The following MAMLD1 variants were observed in gnomAD, a reference collection of about 807,000 sequenced individuals.
MAMLD1 encodes the protein mastermind like domain containing 1.
Under a neutral mutation model 45.0 loss-of-function variants are expected in MAMLD1, and 14 were observed. That is an observed-to-expected ratio of 0.31 (90% CI 0.21 to 0.49). MAMLD1 has a LOEUF of 0.49. Ranked by LOEUF, MAMLD1 falls within the 20% of genes least tolerant of loss-of-function variation. The pLI is 0.99. For synonymous variants in MAMLD1, 254 were observed against 247.8 expected (o/e 1.02, Z -0.24); for missense variants, 543 against 603.6 (o/e 0.90, Z 1.05).
chrX:150,503,860 G>A (rs906779138), intron 6 of MAMLD1, among the ~76,000 whole-genome samples: 2 of 112,075 alleles, frequency 1.8e-5, no homozygotes, highest in Non-Finnish European at 3.8e-5. Context: ...ATACCTACCT[G>A]CCTGTCTGTC....
intron 2 of MAMLD1, among the ~76,000 whole-genome samples, chrX:150,452,427 G>T: frequency 9.0e-6 from 1 of 110,678 alleles, no homozygotes; most frequent in African/African-American, 3.3e-5. Flanking sequence ...CACCTAGGAT[G>T]GTGATGGAAA....
chrX:150,456,930 G>A (rs149310614), intron 2 of MAMLD1, among the ~76,000 whole-genome samples: 53 of 112,649 alleles, frequency 4.7e-4, no homozygotes, highest in African/African-American at 1.0e-3. Context: ...GGCAAATGCA[G>A]TCCATGCTAG....
intron 1 of MAMLD1, among the ~76,000 whole-genome samples, chrX:150,382,382 T>A (rs1370797075): frequency 8.9e-6 from 1 of 111,968 alleles, no homozygotes; most frequent in East Asian, 2.8e-4. Context: ...TCTTGACTAA[T>A]GTAGCCATAT....
intron 1 of MAMLD1, among the ~76,000 whole-genome samples, chrX:150,440,289 G>A (rs1324971229): frequency 9.3e-6 from 1 of 107,596 alleles, no homozygotes; most frequent in Non-Finnish European, 1.9e-5. Context: ...AAGGATTTTT[G>A]TGTCTATATT....
intron 1 of MAMLD1, among the ~76,000 whole-genome samples, chrX:150,398,343 G>GAAGAAGAAGAAGAAGAAGAA (rs1569564636): frequency 3.5e-5 from 2 of 56,470 alleles, no homozygotes; most frequent in East Asian, 5.5e-4. Context: ...AAGAAGAAGA[G>GAAGAAGAAGAAGAAGAAGAA]GAAGAGGAAG....
intron 3 of MAMLD1, among the ~76,000 whole-genome samples, chrX:150,469,485 G>T (rs181716833): frequency 2.7e-5 from 3 of 112,196 alleles, no homozygotes; most frequent in African/African-American, 3.2e-5. Flanking sequence ...AAGCACTATG[G>T]TTCCAAAGAC....
intron 1 of MAMLD1, among the ~76,000 whole-genome samples, chrX:150,414,028 CAAAAAAA>C (rs56866886): frequency 2.2e-4 from 7 of 31,333 alleles, no homozygotes; most frequent in African/African-American, 9.8e-4. Context: ...CAGAAAACTG[CAAAAAAA>C]AAAAAAAAAA....
chrX:150,411,132 G>A (rs12847272), intron 1 of MAMLD1, among the ~76,000 whole-genome samples: 13 of 111,477 alleles, frequency 1.2e-4, no homozygotes, highest in Non-Finnish European at 1.9e-4. Flanking sequence ...CCCAGACCCC[G>A]CTAAGTCCAA....
chrX:150,469,510 A>G (rs2036333867), intron 3 of MAMLD1, among the ~76,000 whole-genome samples: 1 of 112,395 alleles, frequency 8.9e-6, no homozygotes, highest in Non-Finnish European at 1.9e-5. Flanking sequence ...TGTATTTTAT[A>G]GTTTTCACAA....
intron 1 of MAMLD1, among the ~76,000 whole-genome samples, chrX:150,368,199 C>G (rs1473415842): frequency 9.0e-6 from 1 of 110,921 alleles, no homozygotes; most frequent in Non-Finnish European, 1.9e-5. Flanking sequence ...GTTCCTATTT[C>G]TCCACATCCT....
At chrX:150,475,795 A>G (rs2148310047) in intron 5 of MAMLD1, among the ~76,000 whole-genome samples, 1 of 111,975 alleles carries the variant, frequency 8.9e-6, no homozygotes, top group East Asian at 2.8e-4. Context: ...GCTAACCTGA[A>G]ACTGCTTAGA....
chrX:150,367,651 T>G (rs781932116), intron 1 of MAMLD1, among the ~76,000 whole-genome samples: 1 of 111,860 alleles, frequency 8.9e-6, no homozygotes, highest in Admixed American at 9.4e-5. Context: ...GTTGGTGTGC[T>G]GCACCCATTA....
intron 1 of MAMLD1, among the ~76,000 whole-genome samples, chrX:150,375,881 A>G (rs1260347033): frequency 8.9e-6 from 1 of 111,946 alleles, no homozygotes; most frequent in Non-Finnish European, 1.9e-5. Context: ...ACAAAATGAG[A>G]GTAGTTTGTA....
At chrX:150,445,668 TGAACGTAA>T (rs1366815668) in intron 2 of MAMLD1, 56 bp downstream of exon 2, 7 of 894,021 alleles carry the variant, frequency 7.8e-6, no homozygotes, top group Admixed American at 2.4e-5. Context: ...ATCTTAAACT[TGAACGTAA>T]GATGTGTTAT....
At chrX:150,445,667 T>G (rs1457417298) in intron 2 of MAMLD1, 55 bp downstream of exon 2, 2 of 916,102 alleles carry the variant, frequency 2.2e-6, no homozygotes, top group African/African-American at 3.9e-5. Context: ...AATCTTAAAC[T>G]TGAACGTAAG....
rs781808313 is a variant in MAMLD1 at position 150,385,422 on chromosome X, T to C, written c.-64+21892T>C. Among the ~76,000 whole-genome samples the C allele has an allele frequency of 2.1e-4, 23 of 111,761 alleles. No individual in the cohort carries two copies. In the East Asian group the frequency reaches 6.1e-3, roughly 30 times the overall value. Reference sequence around the variant, plus strand: ...AAAAACTTAACTACCAATAGCCTACTGTTGCCTGGAAGCCTCACCAATAAC... The same window carrying C: ...AAAAACTTAACTACCAATAGCCTACCGTTGCCTGGAAGCCTCACCAATAAC... On this transcript the variant is annotated intron_variant, in intron 1 of 7. Coordinates refer to ENST00000370401, the MANE Select transcript of MAMLD1 (RefSeq NM_005491.5).
At chrX:150,435,061 C>T (rs1252191834) in intron 1 of MAMLD1, among the ~76,000 whole-genome samples, 1 of 111,370 alleles carries the variant, frequency 9.0e-6, no homozygotes. Flanking sequence ...TTTGGAGGTC[C>T]CTAAGAACTT....
intron 1 of MAMLD1, among the ~76,000 whole-genome samples, chrX:150,440,699 TTCAA>T (rs1307686404): frequency 3.7e-5 from 4 of 108,763 alleles, no homozygotes; most frequent in Non-Finnish European, 5.7e-5. Context: ...CATCTCCCTT[TTCAA>T]TCAGAGTATT....
In MAMLD1 at chrX:150,459,206, C is replaced by T. The variant is rs782319526; in HGVS notation, c.97-3566C>T. 3.9e-3 allele frequency among the ~76,000 whole-genome samples: 438 copies of T among 111,457 alleles called. 1 individual carries two copies. Among genetic ancestry groups the T allele is most frequent in the Non-Finnish European group, 6.5e-3 (347 of 53,046 alleles). Reference sequence around the variant, plus strand: ...CTCCTGACTGCGCCTTCCAGGCAGTCTGTCACTGTGTGTTCCCCCAGGAGG... The same window carrying T: ...CTCCTGACTGCGCCTTCCAGGCAGTTTGTCACTGTGTGTTCCCCCAGGAGG... On this transcript the variant is annotated intron_variant, in intron 2 of 7. Coordinates refer to ENST00000370401, the MANE Select transcript of MAMLD1 (RefSeq NM_005491.5).
Sources: gnomAD v4.1 joint callset for allele counts (sites outside exome capture counted in the v4.1 genomes callset) on GRCh38, gnomAD v4.1.1 for gene constraint, MANE v1.5 for transcripts, NCBI Gene and HGNC (gene_info 2026-07-23, HGNC 2026-07-21) for gene names.